SLC9A9: variants seen among roughly 807,000 people sequenced by gnomAD.
SLC9A9 encodes solute carrier family 9 member A9, also known as sodium/hydrogen exchanger 9.
SLC9A9 carries 62 observed loss-of-function variants against 77.8 expected under a neutral mutation model. The ratio of observed to expected loss-of-function variants is 0.80; its 90% confidence interval spans 0.65 to 0.98. SLC9A9 has a LOEUF of 0.98. Ranked by LOEUF, SLC9A9 falls within the 50% of genes least tolerant of loss-of-function variation. SLC9A9 has a pLI of 0.00. For missense variants in SLC9A9, 775 were observed against 774.9 expected, an observed-to-expected ratio of 1.00 and a Z score of 0.00; for synonymous variants, 320 against 283.5, an observed-to-expected ratio of 1.13 and a Z score of -1.29.
intron 9 of SLC9A9, among the ~76,000 whole-genome samples, chr3:143,535,118 T>A (rs893338108): frequency 6.6e-6 from 1 of 152,216 alleles, no homozygotes; most frequent in African/African-American, 2.4e-5. Flanking sequence ...AATTCCTATA[T>A]GTTACCACTT....
At chr3:143,822,489 G>A (rs753575722) in intron 2 of SLC9A9, among the ~76,000 whole-genome samples, 1 of 152,320 alleles carries the variant, frequency 6.6e-6, no homozygotes, top group East Asian at 1.9e-4. Flanking sequence ...CTCCAGGCAA[G>A]CTTAAAAGGC....
In SLC9A9 at chr3:143,471,936, GC is replaced by G. The variant is rs1430665567; in HGVS notation, c.1316-4747del. On this transcript the variant is annotated intron_variant, in intron 11 of 15. Coordinates refer to ENST00000316549, the MANE Select transcript of SLC9A9 (RefSeq NM_173653.4). ...TGAACCAAGGAAAGCTTTCTAGCAA[GC>G]ACTCGTGCTGCAGAAAATGTGCAGC... Among the ~76,000 whole-genome samples the G allele has an allele frequency of 2.0e-5, 3 of 152,184 alleles. No individual in the cohort carries two copies. The East Asian group carries it at 5.8e-4, about 29-fold the overall frequency.
intron 9 of SLC9A9, among the ~76,000 whole-genome samples, chr3:143,506,344 C>T (rs1179915051): frequency 6.6e-6 from 1 of 152,188 alleles, no homozygotes; most frequent in Admixed American, 6.5e-5. Context: ...ACACTACTTC[C>T]TAAGGAAGTG....
At chr3:143,747,385 C>T (rs1284436888) in intron 4 of SLC9A9, among the ~76,000 whole-genome samples, 1 of 85,024 alleles carries the variant, frequency 1.2e-5, no homozygotes, top group Admixed American at 1.7e-4. Context: ...GCCTGGGCAA[C>T]AAGAGTGAAA....
intron 4 of SLC9A9, among the ~76,000 whole-genome samples, chr3:143,725,044 C>G (rs1190915101): frequency 6.6e-6 from 1 of 152,214 alleles, no homozygotes; most frequent in East Asian, 1.9e-4. Context: ...CTGCCTGGGC[C>G]CCTACATACA....
chr3:143,801,200 T>G (rs544559915), intron 2 of SLC9A9, among the ~76,000 whole-genome samples: 1 of 152,276 alleles, frequency 6.6e-6, no homozygotes, highest in Admixed American at 6.5e-5. Flanking sequence ...ACAGCTGAAG[T>G]GCAGGGCTGT....
chr3:143,574,148 C>T lies in SLC9A9; in HGVS notation c.940G>A (p.Gly314Ser), dbSNP rs755089028. The T allele has an allele frequency of 6.2e-6, 10 of 1,613,304 alleles. No homozygotes were observed. Among genetic ancestry groups the T allele is most frequent in the South Asian group, 3.3e-5 (3 of 91,056 alleles). The change falls in exon 8 of 16, where the codon GGC becomes AGC. Residue 314 changes from glycine (G) to serine (S), a missense_variant. Physicochemically the swap from Gly to Ser is moderately conservative, Grantham distance 56 (BLOSUM62 0). Coordinates refer to ENST00000316549, the MANE Select transcript of SLC9A9 (RefSeq NM_173653.4). Reference sequence around the variant, plus strand: ...CTCCAAGAAAGCAGGAAAAACAGGCCGGTTTCCAGCATCGGGAACTCACAC... The same window carrying T: ...CTCCAAGAAAGCAGGAAAAACAGGCTGGTTTCCAGCATCGGGAACTCACAC... Reference protein sequence around the residue: ...KLCEFPMLETGLFFLLSWSAF... With the variant: ...KLCEFPMLETSLFFLLSWSAF...
intron 6 of SLC9A9, chr3:143,626,789 A>C (rs900312350): frequency 1.3e-5 from 2 of 152,026 alleles, no homozygotes; most frequent in Admixed American, 1.3e-4. Context: ...AAGAAATAGG[A>C]GAAACAAAAA....
chr3:143,509,812 C>T (rs1187653968), intron 9 of SLC9A9, among the ~76,000 whole-genome samples: 1 of 152,140 alleles, frequency 6.6e-6, no homozygotes, highest in Non-Finnish European at 1.5e-5. Flanking sequence ...TGGAGAAAGA[C>T]TGTACTATAG....
intron 12 of SLC9A9, among the ~76,000 whole-genome samples, chr3:143,417,442 TATAAG>T (rs762766147): frequency 9.4e-5 from 13 of 137,940 alleles, no homozygotes; most frequent in South Asian, 2.3e-4. Context: ...CTGGTGTCCT[TATAAG>T]AGAGAGGGAG....
chr3:143,740,917 C>T lies in SLC9A9; in HGVS notation c.534-47610G>A, dbSNP rs188124389. Among the ~76,000 whole-genome samples the T allele has an allele frequency of 6.4e-4, 98 of 152,152 alleles. No individual in the cohort carries two copies. In the South Asian group the frequency reaches 0.012, roughly 18 times the overall value. On this transcript the variant is annotated intron_variant, in intron 4 of 15. Transcript: ENST00000316549. Reference sequence around the variant, plus strand: ...AAACAATTAAGTAAATGGCTTCTCACGGTTGCAGTGAAAATTTACAGATCA... The same window carrying T: ...AAACAATTAAGTAAATGGCTTCTCATGGTTGCAGTGAAAATTTACAGATCA...
intron 12 of SLC9A9, among the ~76,000 whole-genome samples, chr3:143,424,401 G>A (rs1377068704): frequency 6.6e-6 from 1 of 151,914 alleles, no homozygotes; most frequent in Non-Finnish European, 1.5e-5. Context: ...TGAGTAGCTG[G>A]GGAGTAGCTG....
chr3:143,282,600 G>A (rs890529958), intron 14 of SLC9A9, among the ~76,000 whole-genome samples: 1 of 152,178 alleles, frequency 6.6e-6, no homozygotes, highest in Non-Finnish European at 1.5e-5. Context: ...AAGCCTCTCA[G>A]AGCATCAATT....
chr3:143,430,298 T>C (rs562606063), intron 12 of SLC9A9, among the ~76,000 whole-genome samples: 203 of 152,330 alleles, frequency 1.3e-3, no homozygotes, highest in Non-Finnish European at 2.6e-3. Flanking sequence ...TCCCCCAGCC[T>C]GTGTGTCTTA....
At chr3:143,451,824 G>A (rs2035013647) in intron 12 of SLC9A9, among the ~76,000 whole-genome samples, 1 of 151,964 alleles carries the variant, frequency 6.6e-6, no homozygotes, top group Non-Finnish European at 1.5e-5. Context: ...TAACGCAAAG[G>A]CAAATTTGAG....
chr3:143,357,286 T>C (rs566219785), intron 14 of SLC9A9, among the ~76,000 whole-genome samples: 1 of 152,294 alleles, frequency 6.6e-6, no homozygotes, highest in East Asian at 1.9e-4. Flanking sequence ...CTTCCTTTCC[T>C]ATGCTAGGGA....
chr3:143,813,784 A>G (rs1220793923), intron 2 of SLC9A9, among the ~76,000 whole-genome samples: 13 of 152,194 alleles, frequency 8.5e-5, no homozygotes. Context: ...CAAGATTCTC[A>G]TATACTCTTT....
At chr3:143,804,986 T>G (rs1328205120) in intron 2 of SLC9A9, among the ~76,000 whole-genome samples, 1 of 152,158 alleles carries the variant, frequency 6.6e-6, no homozygotes, top group Non-Finnish European at 1.5e-5. Flanking sequence ...TATTTTTAAA[T>G]GAAGAGTATT....
Position 143,581,280 on chromosome 3 carries a change from C to T in SLC9A9, c.756-2557G>A, listed in dbSNP as rs79598931. Among the ~76,000 whole-genome samples, 973 of 152,108 alleles carry T rather than the reference C, an allele frequency of 6.4e-3. 10 individuals carry two copies. The highest frequency in any genetic ancestry group is 0.022 in the African/African-American group (932 of 41,494). On this transcript the variant is annotated intron_variant, in intron 6 of 15. Coordinates refer to ENST00000316549, the MANE Select transcript of SLC9A9 (RefSeq NM_173653.4). ...AGACATGGCTGCACCTATGTGGGCA[C>T]GTGTGGTGGGGTAAAGATGGGTGAG...
Sources: allele counts gnomAD v4.1 joint callset (sites outside exome capture counted in the v4.1 genomes callset), GRCh38; gene constraint gnomAD v4.1.1; transcripts MANE v1.5; gene names NCBI Gene and HGNC (gene_info 2026-07-23, HGNC 2026-07-21).